Variants in TMC7 observed in about 807,000 individuals in gnomAD.
The protein encoded by TMC7 is transmembrane channel like 7, also known as transmembrane channel-like protein 7.
Under a neutral mutation model 82.9 loss-of-function variants are expected in TMC7, and 54 were observed. That is an observed-to-expected ratio of 0.65 (90% confidence interval 0.52 to 0.82). TMC7 has a LOEUF of 0.82. Among genes scored for constraint, TMC7 ranks in the 40% least tolerant of loss-of-function variants. The pLI is 0.00. For synonymous variants in TMC7, 350 were observed against 337.9 expected, an observed-to-expected ratio of 1.04 and a Z score of -0.39; for missense variants, 820 against 901.2, an observed-to-expected ratio of 0.91 and a Z score of 1.15.
intron 5 of TMC7, among the ~76,000 whole-genome samples, chr16:19,023,686 G>A (rs541075291): frequency 2.0e-5 from 3 of 152,196 alleles, no homozygotes; most frequent in South Asian, 4.1e-4. Context: ...AACTCAGGTG[G>A]TCCACTCTCC....
At chr16:19,025,952 GT>G (rs1960206470) in intron 5 of TMC7, among the ~76,000 whole-genome samples, 1 of 151,842 alleles carries the variant, frequency 6.6e-6, no homozygotes, top group South Asian at 2.1e-4. Flanking sequence ...GCGTGTGTTT[GT>G]TTTGTAGAGA....
chr16:18,999,865 G>T (rs1488490266), intron 1 of TMC7, among the ~76,000 whole-genome samples: 1 of 152,006 alleles, frequency 6.6e-6, no homozygotes, highest in South Asian at 2.1e-4. Context: ...CCGAGTTCAC[G>T]CCATTCTCCT....
Position 19,045,873 on chromosome 16 carries a change from G to T in TMC7, c.1553+435G>T, listed in dbSNP as rs141191329. 2.5e-3 allele frequency among the ~76,000 whole-genome samples: 385 copies of T among 152,092 alleles called. 2 individuals carry two copies. The highest frequency in any genetic ancestry group is 9.1e-3 in the African/African-American group (376 of 41,494). ...GGGCTTCCAAAGTGCTGGGATTATA[G>T]GCATGAGCCACCGCGCCCGGCCAAG... On this transcript the variant is annotated intron_variant, in intron 11 of 15. Transcript: ENST00000304381.
At chr16:18,987,328 T>G (rs2038869650) in intron 1 of TMC7, among the ~76,000 whole-genome samples, 1 of 151,990 alleles carries the variant, frequency 6.6e-6, no homozygotes, top group Non-Finnish European at 1.5e-5. Flanking sequence ...ATTATTATTT[T>G]TTGATGGAGT....
Position 19,040,399 on chromosome 16 carries a change from C to A in TMC7, c.1290C>A (p.Arg430=), listed in dbSNP as rs746859346. 3.2e-5 allele frequency: 51 copies of A among 1,613,568 alleles called. No individual in the cohort carries two copies. Among genetic ancestry groups the A allele is most frequent in the Non-Finnish European group, 4.0e-5 (47 of 1,180,008 alleles). The change falls in exon 9 of 16, where the codon CGC becomes CGA. Residue 430 remains arginine (R), a synonymous_variant. Transcript: ENST00000304381. ...CAATGATCTTTGCCAAGATCATCCG[C>A]TATGAGGATTATTCTCCAGGCTTTG... ...ITPMIFAKII[R]YEDYSPGFEI...
chr16:18,991,120 A>C (rs1351778550), intron 1 of TMC7, among the ~76,000 whole-genome samples: 2 of 152,190 alleles, frequency 1.3e-5, no homozygotes, highest in Admixed American at 1.3e-4. Context: ...TAGGGGCAGC[A>C]TGGGAACCTA....
intron 2 of TMC7, among the ~76,000 whole-genome samples, chr16:19,016,140 A>C (rs1288956288): frequency 6.6e-6 from 1 of 151,656 alleles, no homozygotes; most frequent in Non-Finnish European, 1.5e-5. Flanking sequence ...CTTGTTGCCC[A>C]GGCTGGAGTG....
intron 5 of TMC7, among the ~76,000 whole-genome samples, chr16:19,025,639 C>G (rs1006066193): frequency 6.6e-6 from 1 of 151,264 alleles, no homozygotes; most frequent in African/African-American, 2.4e-5. Flanking sequence ...CAAAACAAAA[C>G]AAAAAACAAA....
rs2038834007 is a variant in TMC7, at chr16:18,985,688, A to G, written c.67+1558A>G. Among the ~76,000 whole-genome samples the G allele has an allele frequency of 6.1e-5, 9 of 147,664 alleles. No individual in the cohort carries two copies. The South Asian group carries it at 1.9e-3, about 32-fold the overall frequency. On this transcript the variant is annotated intron_variant, in intron 1 of 15. Coordinates refer to ENST00000304381, the MANE Select transcript of TMC7 (RefSeq NM_024847.4). The stretch of plus-strand genomic sequence containing the variant: ...AACTAAAAAGTCTTCTATGCCCCTT[A>G]GATAGATGAGTTTTTTTTTTTTTTT...
intron 1 of TMC7, among the ~76,000 whole-genome samples, chr16:18,989,438 A>G (rs1289465182): frequency 6.6e-6 from 1 of 151,874 alleles, no homozygotes; most frequent in Admixed American, 6.6e-5. Context: ...TGAAGAATTT[A>G]GAGGGATAAA....
Position 18,993,866 on chromosome 16 carries a change from A to G in TMC7, c.67+9736A>G, listed in dbSNP as rs888055033. The stretch of plus-strand genomic sequence containing the variant: ...AGTTCAGCCTGCTGAGAAGTAGTGG[A>G]GGGGGGCAGAGTGGTAGCCTCAATG... On this transcript the variant is annotated intron_variant, in intron 1 of 15. Coordinates refer to ENST00000304381, the MANE Select transcript of TMC7 (RefSeq NM_024847.4). Among the ~76,000 whole-genome samples the G allele has an allele frequency of 2.4e-3, 364 of 152,238 alleles. 1 individual carries two copies. Among genetic ancestry groups the G allele is most frequent in the African/African-American group, 8.7e-3 (360 of 41,538 alleles).
intron 14 of TMC7, among the ~76,000 whole-genome samples, chr16:19,058,607 T>G (rs572935299): frequency 6.6e-6 from 1 of 152,188 alleles, no homozygotes; most frequent in Non-Finnish European, 1.5e-5. Context: ...ATTTTAATAT[T>G]AAAAGTAAAA....
At chr16:19,041,951 A>G (rs914432542) in intron 9 of TMC7, among the ~76,000 whole-genome samples, 7 of 151,980 alleles carry the variant, frequency 4.6e-5, no homozygotes, top group Middle Eastern at 3.2e-3. Flanking sequence ...GATTTCGTCC[A>G]TTGTTTCTTC....
At chr16:19,028,954 G>C (rs990305355) in intron 5 of TMC7, among the ~76,000 whole-genome samples, 1 of 146,648 alleles carries the variant, frequency 6.8e-6, no homozygotes, top group Non-Finnish European at 1.5e-5. Flanking sequence ...GTGCCCGGCC[G>C]AGATTTGCAC....
chr16:19,049,509 G>A (rs1324936593), intron 12 of TMC7: 1 of 521,116 alleles, frequency 1.9e-6, no homozygotes, highest in Non-Finnish European at 2.5e-6. Flanking sequence ...GGCTTTTGAA[G>A]AATGTTCTGA....
intron 1 of TMC7, chr16:18,984,491 GC>G: frequency 9.3e-7 from 1 of 1,070,052 alleles, no homozygotes; most frequent in Non-Finnish European, 1.1e-6. Context: ...GGTATGAGGT[GC>G]CTGCCTCCCG....
intron 2 of TMC7, among the ~76,000 whole-genome samples, chr16:19,014,572 C>G (rs1445308916): frequency 6.6e-6 from 1 of 152,198 alleles, no homozygotes; most frequent in Non-Finnish European, 1.5e-5. Flanking sequence ...TGGCAAATTC[C>G]TCATGTTTCC....
rs570091397 is a variant in TMC7, at chr16:19,048,223, G to A, written c.1740+974G>A. ...ACTCCAGGGCTCAAGTAATCCTTCTGCTTCAACCCCACAAAGTGCTGGAAT... is the reference window on the plus strand; with the variant it reads ...ACTCCAGGGCTCAAGTAATCCTTCTACTTCAACCCCACAAAGTGCTGGAAT... On this transcript the variant is annotated intron_variant, in intron 12 of 15. Transcript: ENST00000304381. 4.0e-5 allele frequency among the ~76,000 whole-genome samples: 6 copies of A among 150,490 alleles called. No homozygotes were observed. In the East Asian group the frequency reaches 5.8e-4, roughly 15 times the overall value.
Position 19,051,553 on chromosome 16 carries a change from T to C in TMC7, c.1741-133T>C. 1.8e-5 allele frequency: 18 copies of C among 980,994 alleles called. No individual in the cohort carries two copies. The South Asian group carries it at 3.2e-4, about 18-fold the overall frequency. 60.8% of individuals were successfully genotyped at this position (980,994 alleles called of 1,614,324 possible). A position where few individuals can be genotyped will look rare whatever the true frequency, so the allele number is the denominator to read the frequency against. ...TTGGATGAAACCTTTTTCATTTTGATCTGTATTGCTGGACTACCCTCTGGA... is the reference window on the plus strand; with the variant it reads ...TTGGATGAAACCTTTTTCATTTTGACCTGTATTGCTGGACTACCCTCTGGA... On this transcript the variant is annotated intron_variant, in intron 12 of 15. Transcript: ENST00000304381.
Sources: allele counts gnomAD v4.1 joint callset (sites outside exome capture counted in the v4.1 genomes callset), GRCh38; gene constraint gnomAD v4.1.1; transcripts MANE v1.5; gene names NCBI Gene and HGNC (gene_info 2026-07-23, HGNC 2026-07-21).